SULT1B1: variants seen among roughly 807,000 people sequenced by gnomAD.
SULT1B1 encodes the protein sulfotransferase 1B1.
In SULT1B1, 28 loss-of-function variants were observed where a neutral mutation model predicts 34.6. The ratio of observed to expected loss-of-function variants is 0.81; its 90% CI spans 0.60 to 1.11. The LOEUF is 1.11. SULT1B1 is among the 50% of genes least tolerant of loss of function. The probability of loss-of-function intolerance (pLI) is 0.00; values close to 1 mark genes in which losing one functional copy is unlikely to be tolerated. For synonymous variants in SULT1B1, 147 were observed against 110.2 expected, an observed-to-expected ratio of 1.33 and a Z score of -2.09; for missense variants, 374 against 352.2, an observed-to-expected ratio of 1.06 and a Z score of -0.50.
chr4:69,758,444 A>G, intron 1 of SULT1B1: 2 of 985,304 alleles, frequency 2.0e-6, no homozygotes, highest in South Asian at 9.4e-5. Flanking sequence ...TTTCTGAAAC[A>G]TTTTATTTTA....
At chr4:69,737,489 A>G (rs990946405) in intron 4 of SULT1B1, among the ~76,000 whole-genome samples, 2 of 152,200 alleles carry the variant, frequency 1.3e-5, no homozygotes, top group African/African-American at 4.8e-5. Flanking sequence ...ATATTTTACA[A>G]TTGAGGCAAA....
At chr4:69,748,396 G>A (rs1718838410) in intron 4 of SULT1B1, among the ~76,000 whole-genome samples, 1 of 152,170 alleles carries the variant, frequency 6.6e-6, no homozygotes, top group Non-Finnish European at 1.5e-5. Flanking sequence ...TAAAGCTGAA[G>A]TAAGAATAGA....
At chr4:69,733,986 A>G in intron 5 of SULT1B1, 152 bp downstream of exon 5, 1 of 585,178 alleles carries the variant, frequency 1.7e-6, no homozygotes, top group Non-Finnish European at 2.7e-6. Flanking sequence ...TAGTAAAAAT[A>G]TTAGATGCAT....
intron 4 of SULT1B1, among the ~76,000 whole-genome samples, chr4:69,747,600 G>T (rs185079557): frequency 1.3e-5 from 2 of 152,196 alleles, no homozygotes; most frequent in African/African-American, 4.8e-5. Context: ...CTTGGGGGAT[G>T]GGCATCTATG....
At chr4:69,740,163 C>T (rs1718487144) in intron 4 of SULT1B1, among the ~76,000 whole-genome samples, 1 of 152,188 alleles carries the variant, frequency 6.6e-6, no homozygotes, top group South Asian at 2.1e-4. Flanking sequence ...TCCAGATTTT[C>T]TGGTATGTTT....
At chr4:69,753,215 C>G (rs746587049) in intron 3 of SULT1B1, among the ~76,000 whole-genome samples, 4 of 152,168 alleles carry the variant, frequency 2.6e-5, no homozygotes, top group Non-Finnish European at 5.9e-5. Flanking sequence ...TCTCCAAGTA[C>G]TTTTCCTTGC....
chr4:69,736,689 G>C (rs1316937013), intron 4 of SULT1B1, among the ~76,000 whole-genome samples: 1 of 152,068 alleles, frequency 6.6e-6, no homozygotes, highest in East Asian at 1.9e-4. Flanking sequence ...GATCTGCAAT[G>C]TATAATAACT....
chr4:69,730,731 G>C, intron 6 of SULT1B1, 50 bp from the exon 7 acceptor site: 1 of 1,485,962 alleles, frequency 6.7e-7, no homozygotes, highest in Non-Finnish European at 9.2e-7. Flanking sequence ...CACACAATGT[G>C]AATATTTATA....
At position 69,726,892 on chromosome 4, in the gene SULT1B1, C is replaced by T. The variant is rs1042554320; in HGVS notation, c.*196G>A. ...CAAAAAGTTAACAATGAACTTTAGC[C>T]TTAGAGAATTTGGAAACTCAGAATC... On this transcript the variant is annotated 3_prime_UTR_variant, in exon 8 of 8. Coordinates refer to ENST00000310613, the MANE Select transcript of SULT1B1 (RefSeq NM_014465.4). 2.0e-5 allele frequency: 9 copies of T among 445,038 alleles called. No homozygotes were observed. The highest frequency in any genetic ancestry group is 3.5e-5 in the Non-Finnish European group (9 of 254,880). 27.6% of individuals were successfully genotyped at this position (445,038 alleles called of 1,614,324 possible).
Position 69,732,400 on chromosome 4 carries a change from G to A in SULT1B1, c.597+1013C>T, listed in dbSNP as rs147751435. On this transcript the variant is annotated intron_variant, in intron 6 of 7. Transcript: ENST00000310613. ...CCAAATTTCTGTGTTATATAAAGTA[G>A]GATTAATGCCATTAAAGTTTTGGAT... Among the ~76,000 whole-genome samples the A allele has an allele frequency of 1.8e-3, 276 of 152,114 alleles. 1 individual carries two copies. The highest frequency in any genetic ancestry group is 6.4e-3 in the African/African-American group (266 of 41,518).
chr4:69,723,282 G>T lies in SULT1B1; in HGVS notation c.*3806C>A, dbSNP rs1245438774. The T allele has an allele frequency of 6.6e-6, 1 of 152,026 alleles. No individual in the cohort carries two copies. Among genetic ancestry groups the T allele is most frequent in the Non-Finnish European group, 1.5e-5 (1 of 68,020 alleles). The allele number at this position is 152,026 out of a possible 1,614,324, so 9.4% of individuals were successfully genotyped here. A position where few individuals can be genotyped will look rare whatever the true frequency, so the allele number is the denominator to read the frequency against. On this transcript the variant is annotated 3_prime_UTR_variant, in exon 8 of 8. Transcript: ENST00000310613. ...ATAAACTAGAAAATCTAGAAGAAAT[G>T]GATAAATTCCTCGACACATACACCC...
chr4:69,733,733 C>T (rs1202565546), intron 5 of SULT1B1, among the ~76,000 whole-genome samples: 1 of 152,068 alleles, frequency 6.6e-6, no homozygotes, highest in Admixed American at 6.5e-5. Context: ...ACACTGACCT[C>T]CAAAAAGTTA....
intron 3 of SULT1B1, among the ~76,000 whole-genome samples, chr4:69,753,233 T>G (rs2110031063): frequency 6.6e-6 from 1 of 152,324 alleles, no homozygotes; most frequent in South Asian, 2.1e-4. Context: ...TGCAAGCGAA[T>G]GGTTCCATAG....
intron 6 of SULT1B1, among the ~76,000 whole-genome samples, 171 bp downstream of exon 6, chr4:69,733,242 T>C (rs1718153156): frequency 6.6e-6 from 1 of 152,164 alleles, no homozygotes; most frequent in Non-Finnish European, 1.5e-5. Context: ...AATAATTCTT[T>C]TCACAATTAG....
At chr4:69,729,803 A>T (rs1717994119) in intron 7 of SULT1B1, among the ~76,000 whole-genome samples, 1 of 152,162 alleles carries the variant, frequency 6.6e-6, no homozygotes, top group Non-Finnish European at 1.5e-5. Context: ...AGATCGTGGC[A>T]TTATTAAGTG....
At position 69,742,826 on chromosome 4, in the gene SULT1B1, C is replaced by T. The variant is rs952867714; in HGVS notation, c.375+6895G>A. 3.8e-4 allele frequency among the ~76,000 whole-genome samples: 58 copies of T among 152,342 alleles called. 1 individual carries two copies. Among genetic ancestry groups the T allele is most frequent in the African/African-American group, 1.3e-3 (52 of 41,580 alleles). On this transcript the variant is annotated intron_variant, in intron 4 of 7. Transcript: ENST00000310613. ...TGTAGTCTGGCCATTGCGCAGAGCC[C>T]GGCCTGCCAGCTGCGGTGCGGTGGG...
intron 1 of SULT1B1, among the ~76,000 whole-genome samples, chr4:69,759,218 C>G (rs993254302): frequency 1.3e-5 from 2 of 152,112 alleles, no homozygotes; most frequent in African/African-American, 4.8e-5. Context: ...ATCTTCAGAG[C>G]GTCTGCTCAA....
Position 69,727,124 on chromosome 4 carries a change from C to T in SULT1B1, c.855G>A (p.Met285Ile), listed in dbSNP as rs753480612. Residue 285 changes from methionine to isoleucine, a missense_variant, in exon 8 of 8, where the codon ATG (methionine) becomes ATA (isoleucine). Coordinates refer to ENST00000310613, the MANE Select transcript of SULT1B1 (RefSeq NM_014465.4). Reference sequence around the variant, plus strand: ...TGCGGAATTGAAGTGCAGTTTTGGACATTTCTGTCTCATAAATAGCATCAA... The same window carrying T: ...TGCGGAATTGAAGTGCAGTTTTGGATATTTCTGTCTCATAAATAGCATCAA... ...EKFDAIYETE[M>I]SKTALQFRTE... is the part of the protein sequence containing the mutation. The T allele has an allele frequency of 2.3e-5, 37 of 1,610,794 alleles. No homozygotes were observed. Among genetic ancestry groups the T allele is most frequent in the Non-Finnish European group, 3.1e-5 (36 of 1,178,434 alleles).
At chr4:69,755,359 C>A (rs1578069734) in intron 1 of SULT1B1, 98 bp from the exon 2 acceptor site, 1 of 868,812 alleles carries the variant, frequency 1.2e-6, no homozygotes, top group East Asian at 2.6e-5. Flanking sequence ...CTTTAACATT[C>A]TGCGCACATG....
Sources: allele counts gnomAD v4.1 joint callset (sites outside exome capture counted in the v4.1 genomes callset), GRCh38; gene constraint gnomAD v4.1.1; transcripts MANE v1.5; gene names NCBI Gene and HGNC (gene_info 2026-07-23, HGNC 2026-07-21).